ARHGAP31: variants seen among roughly 807,000 people sequenced by gnomAD.
ARHGAP31 encodes rho GTPase-activating protein 31.
Under a neutral mutation model 113.9 loss-of-function variants are expected in ARHGAP31, and 34 were observed. The ratio of observed to expected loss-of-function variants is 0.30; its 90% CI spans 0.23 to 0.40. ARHGAP31 has a LOEUF of 0.40. Ranked by LOEUF, ARHGAP31 falls within the 10% of genes least tolerant of loss-of-function variation. ARHGAP31 has a pLI of 1.00. For missense variants in ARHGAP31, 1,548 were observed against 1,767.1 expected (o/e 0.88, Z 2.22); for synonymous variants, 650 against 684.8 (o/e 0.95, Z 0.79).
At chr3:119,330,260 C>A (rs1031088699) in intron 1 of ARHGAP31, among the ~76,000 whole-genome samples, 4 of 152,184 alleles carry the variant, frequency 2.6e-5, no homozygotes, top group Non-Finnish European at 5.9e-5. Context: ...CCCAGAGCTG[C>A]CCAAGCTGCA....
intron 1 of ARHGAP31, among the ~76,000 whole-genome samples, chr3:119,297,909 A>AACACACACACACACACACACACACACAC (rs10575145): frequency 5.6e-5 from 8 of 142,780 alleles, no homozygotes; most frequent in African/African-American, 1.8e-4. Context: ...TTTCCTTAGA[A>AACACACACACACACACACACACACACAC]ACACACACAC....
At chr3:119,381,746 G>A (rs568113227) in intron 4 of ARHGAP31, among the ~76,000 whole-genome samples, 90 of 152,256 alleles carry the variant, frequency 5.9e-4, no homozygotes, top group Admixed American at 2.1e-3. Flanking sequence ...CCAGCACTTT[G>A]GGAGGCCCAG....
chr3:119,358,868 A>G (rs1559978732), intron 1 of ARHGAP31, among the ~76,000 whole-genome samples: 2 of 152,200 alleles, frequency 1.3e-5, no homozygotes, highest in Non-Finnish European at 2.9e-5. Context: ...CTACTAATGG[A>G]TATGGGTTCC....
In ARHGAP31 at chr3:119,370,658, T is replaced by G. The variant is rs1331572992; in HGVS notation, c.348+2142T>G. 3.9e-5 allele frequency among the ~76,000 whole-genome samples: 6 copies of G among 152,174 alleles called. No individual in the cohort carries two copies. In the East Asian group the frequency reaches 5.8e-4, roughly 15 times the overall value. On this transcript the variant is annotated intron_variant, in intron 3 of 11. Transcript: ENST00000264245. The stretch of plus-strand genomic sequence containing the variant: ...TTGGGGGATGCTTTTAATTCAACAG[T>G]GTGATCATCTTTGTGTGTTAAGAAA...
At position 119,401,913 on chromosome 3, in the gene ARHGAP31, C is replaced by G. The variant is rs769833202; in HGVS notation, c.1161C>G (p.Ser387Arg). Residue 387 changes from serine to arginine, a missense_variant, in exon 10 of 12, where the codon AGC (serine) becomes AGG (arginine). Ser to Arg is a moderately radical substitution (Grantham distance 110). Coordinates refer to ENST00000264245, the MANE Select transcript of ARHGAP31 (RefSeq NM_020754.4). ...ATKMHSTGTG[S>R]SCDLTKQEGE... ...AGATGCACTCCACCGGCACCGGCAGCTCATGTGACCTCACCAAGCAGGAGG... is the reference window on the plus strand; with the variant it reads ...AGATGCACTCCACCGGCACCGGCAGGTCATGTGACCTCACCAAGCAGGAGG... The G allele has an allele frequency of 1.2e-6, 2 of 1,614,120 alleles. No individual in the cohort carries two copies. Among genetic ancestry groups the G allele is most frequent in the Non-Finnish European group, 8.5e-7 (1 of 1,180,008 alleles).
intron 1 of ARHGAP31, among the ~76,000 whole-genome samples, chr3:119,316,981 G>A (rs570920242): frequency 6.6e-6 from 1 of 152,218 alleles, no homozygotes; most frequent in African/African-American, 2.4e-5. Context: ...ACTAATACCT[G>A]CTTTCTGCAA....
chr3:119,306,761 C>T (rs2079633630), intron 1 of ARHGAP31, among the ~76,000 whole-genome samples: 1 of 152,134 alleles, frequency 6.6e-6, no homozygotes, highest in Non-Finnish European at 1.5e-5. Flanking sequence ...TAAAGATGAG[C>T]TCCAGGTGAT....
chr3:119,379,353 T>C (rs578097173), intron 3 of ARHGAP31, among the ~76,000 whole-genome samples: 45 of 152,308 alleles, frequency 3.0e-4, no homozygotes, highest in African/African-American at 1.1e-3. Context: ...TGGTCTCCTC[T>C]AGGTTAAAAC....
Position 119,390,915 on chromosome 3 carries a change from C to T in ARHGAP31, c.813C>T (p.Asn271=), listed in dbSNP as rs1194751320. The T allele has an allele frequency of 6.2e-7, 1 of 1,614,202 alleles. No homozygotes were observed. Among genetic ancestry groups the T allele is most frequent in the East Asian group, 2.2e-5 (1 of 44,888 alleles). ...CTGCTCGCAAGGAAAGGAGGGAGAACAGCCTGCCTGAGATTGTCCCTCCCA... is the reference window on the plus strand; with the variant it reads ...CTGCTCGCAAGGAAAGGAGGGAGAATAGCCTGCCTGAGATTGTCCCTCCCA... ...NHPARKERRE[N]SLPEIVPPMG... The change falls in exon 7 of 12, where the codon AAC becomes AAT. Residue 271 remains asparagine, a synonymous_variant. Transcript: ENST00000264245.
chr3:119,298,023 A>T (rs1186342382), intron 1 of ARHGAP31, among the ~76,000 whole-genome samples: 1 of 152,064 alleles, frequency 6.6e-6, no homozygotes, highest in African/African-American at 2.4e-5. Flanking sequence ...CTGGCTACAC[A>T]GGGGGGCCTG....
rs572328611 is a variant in ARHGAP31 at position 119,317,201 on chromosome 3, C to G, written c.100+22197C>G. Reference sequence around the variant, plus strand: ...CTTTTTTCTTTTTTTTTTTTTGAGACGGAGTCTCGCTCTGTCGCCCAGGCT... The same window carrying G: ...CTTTTTTCTTTTTTTTTTTTTGAGAGGGAGTCTCGCTCTGTCGCCCAGGCT... On this transcript the variant is annotated intron_variant, in intron 1 of 11. Coordinates refer to ENST00000264245, the MANE Select transcript of ARHGAP31 (RefSeq NM_020754.4). Among the ~76,000 whole-genome samples, 3 of 148,152 alleles carry G rather than the reference C, an allele frequency of 2.0e-5. No homozygotes were observed. The East Asian group carries it at 5.9e-4, about 29-fold the overall frequency.
At chr3:119,362,643 C>T (rs1022670420) in intron 1 of ARHGAP31, among the ~76,000 whole-genome samples, 106 of 152,108 alleles carry the variant, frequency 7.0e-4, no homozygotes, top group Non-Finnish European at 1.2e-3. Context: ...TGGCAGGCAC[C>T]TGTAATCCCT....
chr3:119,396,313 A>G (rs1364071989), intron 8 of ARHGAP31, among the ~76,000 whole-genome samples: 1 of 152,198 alleles, frequency 6.6e-6, no homozygotes, highest in Non-Finnish European at 1.5e-5. Context: ...GTAATTTTCT[A>G]AAAGCTCCCC....
chr3:119,316,398 C>T lies in ARHGAP31; in HGVS notation c.100+21394C>T, dbSNP rs148893103. On this transcript the variant is annotated intron_variant, in intron 1 of 11. Coordinates refer to ENST00000264245, the MANE Select transcript of ARHGAP31 (RefSeq NM_020754.4). ...GTTTTAGGACTGGATAAACTTGATA[C>T]AGCCCACAACAATCCTACAACCCCC... Among the ~76,000 whole-genome samples the T allele has an allele frequency of 2.9e-3, 443 of 152,296 alleles. 1 individual carries two copies. Among genetic ancestry groups the T allele is most frequent in the African/African-American group, 0.01 (431 of 41,552 alleles).
In ARHGAP31 at chr3:119,415,236, A is replaced by G. The variant is rs981539893; in HGVS notation, c.3307A>G (p.Arg1103Gly). 2.2e-5 allele frequency: 35 copies of G among 1,614,094 alleles called. No individual in the cohort carries two copies. The highest frequency in any genetic ancestry group is 2.9e-5 in the Non-Finnish European group (34 of 1,180,038). The change falls in exon 12 of 12, where the codon AGG becomes GGG. Residue 1103 changes from arginine (R) to glycine (G), a missense_variant. By Grantham distance (125) the Arg-to-Gly change is moderately radical. Coordinates refer to ENST00000264245, the MANE Select transcript of ARHGAP31 (RefSeq NM_020754.4). Reference sequence around the variant, plus strand: ...GTGTGGGCCCCCAAAAGGGAAAAACAGGCCTTCTTCCCTCAACTTGGACCC... The same window carrying G: ...GTGTGGGCCCCCAAAAGGGAAAAACGGGCCTTCTTCCCTCAACTTGGACCC... ...TECGPPKGKNRPSSLNLDPAI... is the reference protein window; with the variant it reads ...TECGPPKGKNGPSSLNLDPAI...
intron 1 of ARHGAP31, among the ~76,000 whole-genome samples, chr3:119,339,493 A>C (rs2107611739): frequency 6.6e-6 from 1 of 152,320 alleles, no homozygotes; most frequent in East Asian, 1.9e-4. Context: ...CACTCTACCC[A>C]GTATTGAGGC....
Position 119,294,764 on chromosome 3 carries a change from C to G in ARHGAP31, c.-141C>G. ...GCCCGCGGGGTCCATGCGCAGGGCC[C>G]CCAGCCCAAGTTCTTCCATCTTCCG... is the stretch of plus-strand genomic sequence containing the variant. On this transcript the variant is annotated 5_prime_UTR_variant, in exon 1 of 12. Transcript: ENST00000264245. The G allele has an allele frequency of 1.2e-6, 1 of 808,304 alleles. No homozygotes were observed. Among genetic ancestry groups the G allele is most frequent in the Non-Finnish European group, 2.1e-6 (1 of 479,918 alleles). The allele number at this position is 808,304 out of a possible 1,614,324, so 50.1% of individuals were successfully genotyped here.
intron 1 of ARHGAP31, among the ~76,000 whole-genome samples, chr3:119,362,668 T>A (rs1274231652): frequency 4.6e-5 from 7 of 151,444 alleles, no homozygotes; most frequent in Non-Finnish European, 8.8e-5. Context: ...CTCGGGAGGC[T>A]GAGGCAGGAG....
intron 1 of ARHGAP31, among the ~76,000 whole-genome samples, chr3:119,319,938 T>C (rs894027752): frequency 1.3e-5 from 2 of 152,216 alleles, no homozygotes; most frequent in East Asian, 3.8e-4. Flanking sequence ...GGATCTCCCC[T>C]GGCAGGGGAA....
Sources: gnomAD v4.1 joint callset for allele counts (sites outside exome capture counted in the v4.1 genomes callset) on GRCh38, gnomAD v4.1.1 for gene constraint, MANE v1.5 for transcripts, NCBI Gene and HGNC (gene_info 2026-07-23, HGNC 2026-07-21) for gene names.